The following CELF5 variants were observed in gnomAD, a reference collection of about 807,000 sequenced individuals.
The protein encoded by CELF5 is CUGBP Elav-like family member 5.
A neutral mutation model predicts 54.9 loss-of-function variants in CELF5; 6 were observed. The observed-to-expected ratio is 0.11, with a 90% CI of 0.06 to 0.22. CELF5 has a LOEUF of 0.22. Among genes scored for constraint, CELF5 ranks in the 10% least tolerant of loss-of-function variants. The pLI is 1.00. For missense variants in CELF5, 401 were observed against 678.6 expected, an observed-to-expected ratio of 0.59 and a Z score of 4.54; for synonymous variants, 271 against 290.9, an observed-to-expected ratio of 0.93 and a Z score of 0.70.
intron 12 of CELF5, chr19:3,293,901 CACCCCAG>C (rs1432518976): frequency 6.0e-6 from 1 of 166,398 alleles, no homozygotes. Flanking sequence ...GCCAAGTGCC[CACCCCAG>C]ACCCCAAACC....
chr19:3,234,311 C>T (rs1182212705), intron 1 of CELF5, among the ~76,000 whole-genome samples: 1 of 152,052 alleles, frequency 6.6e-6, no homozygotes, highest in Non-Finnish European at 1.5e-5. Flanking sequence ...GTTGCTAAGG[C>T]TGGTCTCAAA....
In CELF5 at chr19:3,282,432, G is replaced by T. The variant is rs141353228; in HGVS notation, c.973G>T (p.Val325Leu). 9 of 1,613,470 alleles carry T rather than the reference G, an allele frequency of 5.6e-6. No individual in the cohort carries two copies. The South Asian group carries it at 8.8e-5, about 16-fold the overall frequency. Residue 325 changes from valine to leucine, a missense_variant, in exon 8 of 13, where the codon GTG becomes TTG. Val to Leu is a conservative substitution (Grantham distance 32, BLOSUM62 1). This residue lies in a region of CELF5 where 143 missense variants were observed against 147.6 expected (regional missense o/e 0.97). Transcript: ENST00000292672. This position sits in a 1 kb window ranked among gnomAD's most constrained non-coding sequence, Gnocchi z 5.2. ...APITNGFAGV[V>L]PFPGGHPALE... ...CATCACCAATGGCTTTGCAGGTGTC[G>T]TGCCCTTTCCAGGTGGGCACCCTGC...
intron 2 of CELF5, among the ~76,000 whole-genome samples, chr19:3,269,505 G>A (rs2079928239): frequency 6.6e-6 from 1 of 152,086 alleles, no homozygotes; most frequent in South Asian, 2.1e-4. Flanking sequence ...CTCTTCCAAA[G>A]GCACAACTTT....
chr19:3,277,071 C>A (rs1271793594), intron 4 of CELF5, among the ~76,000 whole-genome samples: 1 of 152,190 alleles, frequency 6.6e-6, no homozygotes, highest in African/African-American at 2.4e-5. Context: ...CGGTGTCTGG[C>A]GGTCTCTGTC....
chr19:3,237,074 AGG>A (rs1917642043), intron 1 of CELF5, among the ~76,000 whole-genome samples: 1 of 150,500 alleles, frequency 6.6e-6, no homozygotes, highest in Non-Finnish European at 1.5e-5. Context: ...GCACTTTGGG[AGG>A]CCGAGACGGG....
chr19:3,258,888 G>A (rs1352869989), intron 2 of CELF5, among the ~76,000 whole-genome samples: 2 of 152,168 alleles, frequency 1.3e-5, no homozygotes, highest in African/African-American at 4.8e-5. Context: ...TGAGATTACA[G>A]ACGTGAGCCA....
chr19:3,264,001 G>C (rs66654893), intron 2 of CELF5, among the ~76,000 whole-genome samples: 35 of 151,970 alleles, frequency 2.3e-4, no homozygotes, highest in Admixed American at 3.3e-4. Flanking sequence ...ACATCCTGAT[G>C]ACCACTACCC....
intron 1 of CELF5, among the ~76,000 whole-genome samples, 171 bp from the exon 2 acceptor site, chr19:3,250,814 C>G (rs1341909854): frequency 6.6e-6 from 1 of 152,144 alleles, no homozygotes; most frequent in African/African-American, 2.4e-5. Flanking sequence ...AATTTCCTTC[C>G]TTTTCTTGGC....
At chr19:3,269,656 G>C (rs999139213) in intron 2 of CELF5, among the ~76,000 whole-genome samples, 3 of 152,118 alleles carry the variant, frequency 2.0e-5, no homozygotes. Flanking sequence ...ACTGTTTCTC[G>C]GCCAGCCAGT....
At chr19:3,252,259 C>G (rs2079661629) in intron 2 of CELF5, among the ~76,000 whole-genome samples, 1 of 151,394 alleles carries the variant, frequency 6.6e-6, no homozygotes. Flanking sequence ...TGATCCTGAA[C>G]TCCTGGCTCA....
intron 2 of CELF5, among the ~76,000 whole-genome samples, chr19:3,271,525 G>A (rs1198505592): frequency 6.6e-6 from 1 of 152,212 alleles, no homozygotes; most frequent in African/African-American, 2.4e-5. Context: ...ACAGGATCAG[G>A]GAGGCAGGGG....
intron 2 of CELF5, among the ~76,000 whole-genome samples, chr19:3,259,915 A>C (rs940368373): frequency 1.3e-5 from 2 of 152,318 alleles, no homozygotes; most frequent in African/African-American, 4.8e-5. Flanking sequence ...TTGCCTAGGA[A>C]GATAAGGAGC....
chr19:3,241,505 T>A (rs2079490444), intron 1 of CELF5, among the ~76,000 whole-genome samples: 1 of 151,708 alleles, frequency 6.6e-6, no homozygotes, highest in African/African-American at 2.4e-5. Flanking sequence ...CCCAAGGCTC[T>A]CCAGGTGTGC....
At chr19:3,238,335 G>GAAC (rs2079445670) in intron 1 of CELF5, among the ~76,000 whole-genome samples, 1 of 147,074 alleles carries the variant, frequency 6.8e-6, no homozygotes, top group East Asian at 2.1e-4. Flanking sequence ...ATCCCGCAGG[G>GAAC]CCCAAACCAG....
At chr19:3,291,526 C>T (rs148990994) in intron 11 of CELF5, among the ~76,000 whole-genome samples, 147 of 142,258 alleles carry the variant, frequency 1.0e-3, no homozygotes, top group African/African-American at 3.7e-3. Context: ...GAGCCGAGAT[C>T]GTGCCATTGT....
rs998969010 is a variant in CELF5, at chr19:3,281,560, C to T, written c.750+215C>T. 2.0e-5 allele frequency among the ~76,000 whole-genome samples: 3 copies of T among 152,138 alleles called. No homozygotes were observed. The highest frequency in any genetic ancestry group is 4.4e-5 in the Non-Finnish European group (3 of 68,034). ...CTCACAGTAACACCCAATCTTGGAC[C>T]GAGCCCCAGAACCTGGCTATGCTCC... On this transcript the variant is annotated intron_variant, in intron 6 of 12. Coordinates refer to ENST00000292672, the MANE Select transcript of CELF5 (RefSeq NM_021938.4). This position sits in a 1 kb window ranked among gnomAD's most constrained non-coding sequence, Gnocchi z 6.5.
intron 5 of CELF5, among the ~76,000 whole-genome samples, chr19:3,280,232 T>A (rs1346276950): frequency 6.6e-6 from 1 of 152,184 alleles, no homozygotes; most frequent in East Asian, 1.9e-4. Context: ...TACTGTCCGC[T>A]GTCCACTGGG....
intron 1 of CELF5, among the ~76,000 whole-genome samples, chr19:3,246,132 G>A (rs1020716181): frequency 2.6e-5 from 4 of 152,348 alleles, no homozygotes; most frequent in South Asian, 2.1e-4. Context: ...GGGAGGCCAC[G>A]GCGGGTGGAT....
In CELF5 at chr19:3,286,038, C is replaced by A; in HGVS notation, c.1186+13C>A. The A allele has an allele frequency of 6.4e-7, 1 of 1,559,368 alleles. No homozygotes were observed. Among genetic ancestry groups the A allele is most frequent in the South Asian group, 1.2e-5 (1 of 85,052 alleles). Reference sequence around the variant, plus strand: ...CAGCAGCGAGAAGGTGAGGCGGCCGCAACCTCCCCTGGGCGCCAGCCCCGC... The same window carrying A: ...CAGCAGCGAGAAGGTGAGGCGGCCGAAACCTCCCCTGGGCGCCAGCCCCGC... On this transcript the variant is annotated intron_variant, in intron 10 of 12. Transcript: ENST00000292672.
Sources: gnomAD v4.1 joint callset for allele counts (sites outside exome capture counted in the v4.1 genomes callset) on GRCh38, gnomAD v4.1.1 for gene constraint, gnomAD v4.1.1 regional missense constraint, Gnocchi (gnomAD v3.1) non-coding constraint, MANE v1.5 for transcripts, NCBI Gene and HGNC (gene_info 2026-07-23, HGNC 2026-07-21) for gene names.